ITGA11: variants seen among roughly 807,000 people sequenced by gnomAD.
ITGA11 encodes the protein integrin subunit alpha 11.
In ITGA11, 97 loss-of-function variants were observed where a neutral mutation model predicts 141.9. That is an observed-to-expected ratio of 0.68 (90% confidence interval 0.58 to 0.81). The LOEUF is 0.81. ITGA11 is among the 30% of genes least tolerant of loss of function. The pLI, the probability that ITGA11 is intolerant of heterozygous loss-of-function variation, is 0.00. For synonymous variants in ITGA11, 658 were observed against 624.6 expected, an observed-to-expected ratio of 1.05 and a Z score of -0.80; for missense variants, 1,387 against 1,559.2, an observed-to-expected ratio of 0.89 and a Z score of 1.86.
In ITGA11 at chr15:68,364,789, G is replaced by T; in HGVS notation, c.275C>A (p.Thr92Asn). The T allele has an allele frequency of 1.2e-6, 2 of 1,613,808 alleles. No homozygotes were observed. The highest frequency in any genetic ancestry group is 1.1e-5 in the South Asian group (1 of 91,054). ...NCTKLNLGRV[T>N]LSNVSERKDN... is the part of the protein sequence containing the mutation. ...TTTCCGCTCGGACACGTTGGACAGG[G>T]TGACCCTTCCTGGGGTTGGGGGAGA... The change falls in exon 4 of 30, where the codon ACC (threonine) becomes AAC (asparagine). Residue 92 changes from threonine to asparagine, a missense_variant. By Grantham distance (65) the Thr-to-Asn change is moderately conservative. Transcript: ENST00000315757.
In ITGA11 at chr15:68,416,711, T is replaced by A. The variant is rs1896894182; in HGVS notation, c.53-13682A>T. 2.6e-5 allele frequency among the ~76,000 whole-genome samples: 4 copies of A among 152,064 alleles called. No individual in the cohort carries two copies. In the South Asian group the frequency reaches 8.3e-4, roughly 32 times the overall value. ...GAGGCGGATTGCCTGAGCTCAGGAG[T>A]TCGAGACCAGCCTGGGCAACATGGT... is the stretch of plus-strand genomic sequence containing the variant. On this transcript the variant is annotated intron_variant, in intron 1 of 29. Coordinates refer to ENST00000315757, the MANE Select transcript of ITGA11 (RefSeq NM_001004439.2).
chr15:68,383,184 T>A (rs568369203), intron 2 of ITGA11, among the ~76,000 whole-genome samples: 1 of 150,876 alleles, frequency 6.6e-6, no homozygotes, highest in Admixed American at 6.6e-5. Flanking sequence ...GGGAGGAGAA[T>A]GGCGTGAACT....
In ITGA11 at chr15:68,309,073, T is replaced by G. The variant is rs1034186219; in HGVS notation, c.3175-1377A>C. On this transcript the variant is annotated intron_variant, in intron 26 of 29. Coordinates refer to ENST00000315757, the MANE Select transcript of ITGA11 (RefSeq NM_001004439.2). ...AAATTTTAAACAAGTGACATCAAGA[T>G]CCTGAAGCATTTCTTCAAATAATTA... Among the ~76,000 whole-genome samples the G allele has an allele frequency of 2.6e-5, 4 of 152,300 alleles. No individual in the cohort carries two copies. In the East Asian group the frequency reaches 7.7e-4, roughly 29 times the overall value.
At chr15:68,424,862 A>G (rs1897104524) in intron 1 of ITGA11, among the ~76,000 whole-genome samples, 2 of 152,240 alleles carry the variant, frequency 1.3e-5, no homozygotes, top group South Asian at 4.1e-4. Flanking sequence ...TCTTGAGGCA[A>G]TAACTGGAGA....
At chr15:68,353,093 C>T (rs1894964834) in intron 7 of ITGA11, among the ~76,000 whole-genome samples, 1 of 152,226 alleles carries the variant, frequency 6.6e-6, no homozygotes, top group African/African-American at 2.4e-5. Context: ...TCTGTAGTGA[C>T]AGGTTAAAGA....
chr15:68,349,874 C>G (rs940103209), intron 9 of ITGA11, among the ~76,000 whole-genome samples: 3 of 152,216 alleles, frequency 2.0e-5, no homozygotes, highest in African/African-American at 7.2e-5. Flanking sequence ...GAGTCAGACT[C>G]TGCTAGGCAC....
rs1894071125 is a variant in ITGA11, at chr15:68,328,958, CA to C, written c.1902-697del. On this transcript the variant is annotated intron_variant, in intron 15 of 29. Transcript: ENST00000315757. The surrounding 1 kb of genome is among the most constrained non-coding windows in gnomAD (Gnocchi z 4.8). ...AATTTACCCTTATACCGGCCTAAGT[CA>C]AATGTAATTAGGAACGGAAACCTAT... Among the ~76,000 whole-genome samples the C allele has an allele frequency of 6.6e-6, 1 of 152,136 alleles. No individual in the cohort carries two copies. Among genetic ancestry groups the C allele is most frequent in the Admixed American group, 6.5e-5 (1 of 15,274 alleles).
At chr15:68,418,687 C>T (rs1483521497) in intron 1 of ITGA11, among the ~76,000 whole-genome samples, 1 of 151,738 alleles carries the variant, frequency 6.6e-6, no homozygotes, top group Non-Finnish European at 1.5e-5. Flanking sequence ...CGGCCCTGCC[C>T]ACACTGATTC....
At chr15:68,424,420 T>A (rs1026293716) in intron 1 of ITGA11, among the ~76,000 whole-genome samples, 2 of 152,190 alleles carry the variant, frequency 1.3e-5, no homozygotes, top group Non-Finnish European at 2.9e-5. Flanking sequence ...GTTTACATTA[T>A]ACCAGTGATC....
intron 20 of ITGA11, among the ~76,000 whole-genome samples, chr15:68,319,067 T>C (rs1893700263): frequency 6.6e-6 from 1 of 152,222 alleles, no homozygotes; most frequent in Non-Finnish European, 1.5e-5. Context: ...CTGTACCAGA[T>C]GCTATGCGGG....
chr15:68,425,854 A>C (rs1047295237), intron 1 of ITGA11, among the ~76,000 whole-genome samples: 18 of 152,210 alleles, frequency 1.2e-4, no homozygotes, highest in African/African-American at 3.4e-4. Context: ...TGTCAGCCCC[A>C]GCTGCGCAGG....
intron 4 of ITGA11, 60 bp downstream of exon 4, chr15:68,364,647 A>ACCCCCCCCC: frequency 5.5e-6 from 5 of 904,828 alleles, no homozygotes; most frequent in African/African-American, 1.6e-5. Context: ...GAGACGCTCC[A>ACCCCCCCCC]CCCCTCCCCA....
intron 7 of ITGA11, among the ~76,000 whole-genome samples, chr15:68,356,122 G>T (rs1028533645): frequency 1.3e-5 from 2 of 152,100 alleles, no homozygotes; most frequent in African/African-American, 2.4e-5. Flanking sequence ...TTGAGACGGA[G>T]TCTTGCTCTG....
At chr15:68,330,414 T>G (rs1056925794) in intron 15 of ITGA11, among the ~76,000 whole-genome samples, 2 of 152,008 alleles carry the variant, frequency 1.3e-5, no homozygotes, top group African/African-American at 2.4e-5. Context: ...CCTTGTTTTA[T>G]AAATGTTCTT....
chr15:68,342,027 T>G (rs1440022867), intron 10 of ITGA11, among the ~76,000 whole-genome samples: 1 of 152,158 alleles, frequency 6.6e-6, no homozygotes, highest in Admixed American at 6.5e-5. Flanking sequence ...GGGAGAGTCT[T>G]CTGAGGATGG....
chr15:68,399,358 T>G (rs12591421), intron 2 of ITGA11, among the ~76,000 whole-genome samples: 61,346 of 151,928 alleles, frequency 0.4, 13,442 homozygotes, highest in East Asian at 0.66. Context: ...AGGAAATGCT[T>G]ATACACTGTT....
At chr15:68,317,792 C>A (rs186589048) in intron 20 of ITGA11, among the ~76,000 whole-genome samples, 1 of 152,284 alleles carries the variant, frequency 6.6e-6, no homozygotes, top group East Asian at 1.9e-4. Context: ...GATTATTTGT[C>A]CCTGCTGTGT....
At chr15:68,374,135 T>C (rs1895667820) in intron 2 of ITGA11, among the ~76,000 whole-genome samples, 1 of 152,224 alleles carries the variant, frequency 6.6e-6, no homozygotes, top group Non-Finnish European at 1.5e-5. Flanking sequence ...GAGAAGCAGA[T>C]TCATATCCCC....
chr15:68,396,686 G>A (rs1431325387), intron 2 of ITGA11, among the ~76,000 whole-genome samples: 2 of 150,736 alleles, frequency 1.3e-5, no homozygotes, highest in Non-Finnish European at 3.0e-5. Context: ...GAATCCAAAA[G>A]GGAGTTATTA....
Sources: allele counts gnomAD v4.1 joint callset (sites outside exome capture counted in the v4.1 genomes callset), GRCh38; gene constraint gnomAD v4.1.1; non-coding constraint Gnocchi (gnomAD v3.1); transcripts MANE v1.5; gene names NCBI Gene and HGNC (gene_info 2026-07-23, HGNC 2026-07-21).